The following ADAM12 variants were observed in gnomAD, a reference collection of about 807,000 sequenced individuals.
The protein encoded by ADAM12 is ADAM metallopeptidase domain 12.
A neutral mutation model predicts 106.4 loss-of-function variants in ADAM12; 70 were observed. That is an observed-to-expected ratio of 0.66 (90% confidence interval 0.54 to 0.80). ADAM12 has a LOEUF of 0.80. ADAM12 is among the 30% of genes least tolerant of loss of function. The probability of loss-of-function intolerance (pLI) is 0.00; values close to 1 mark genes in which losing one functional copy is unlikely to be tolerated. For synonymous variants in ADAM12, 420 were observed against 433.5 expected (o/e 0.97, Z 0.39); for missense variants, 1,010 against 1,171.9 (o/e 0.86, Z 2.02).
chr10:126,171,900 C>T (rs977566325), intron 3 of ADAM12, among the ~76,000 whole-genome samples: 1 of 152,194 alleles, frequency 6.6e-6, no homozygotes, highest in Non-Finnish European at 1.5e-5. Context: ...ATCATGTGTG[C>T]TGCTAAACTC....
At chr10:126,139,714 G>A (rs2133687421) in intron 4 of ADAM12, among the ~76,000 whole-genome samples, 1 of 152,258 alleles carries the variant, frequency 6.6e-6, no homozygotes, top group East Asian at 1.9e-4. Flanking sequence ...ATGCAGGAGT[G>A]TAGCTCTCAC....
At chr10:126,272,620 C>A (rs1056836231) in intron 3 of ADAM12, among the ~76,000 whole-genome samples, 1 of 152,194 alleles carries the variant, frequency 6.6e-6, no homozygotes, top group Non-Finnish European at 1.5e-5. Context: ...GTTCCATCGA[C>A]ATTTGTTTAG....
chr10:126,034,413 T>C (rs1052299470), intron 21 of ADAM12, among the ~76,000 whole-genome samples: 1 of 151,842 alleles, frequency 6.6e-6, no homozygotes, highest in Non-Finnish European at 1.5e-5. Flanking sequence ...AGTGTAATCA[T>C]ACAAAAAAAA....
chr10:126,088,547 C>A (rs1326847282), intron 11 of ADAM12, among the ~76,000 whole-genome samples: 8 of 145,002 alleles, frequency 5.5e-5, no homozygotes, highest in Non-Finnish European at 9.0e-5. Context: ...TTAAATATAC[C>A]AAAAAAAAAA....
intron 12 of ADAM12, 65 bp downstream of exon 12, chr10:126,071,412 C>T (rs1954986657): frequency 6.4e-7 from 1 of 1,568,132 alleles, no homozygotes; most frequent in Non-Finnish European, 8.7e-7. Context: ...CCTCCAAGTT[C>T]TCTCTTCTTT....
chr10:126,262,772 TAA>T (rs1959026856), intron 3 of ADAM12, among the ~76,000 whole-genome samples: 1 of 152,140 alleles, frequency 6.6e-6, no homozygotes, highest in African/African-American at 2.4e-5. Context: ...CCATTATATA[TAA>T]GAGTATCATG....
intron 3 of ADAM12, among the ~76,000 whole-genome samples, chr10:126,172,007 G>A (rs1957128710): frequency 6.6e-6 from 1 of 151,840 alleles, no homozygotes. Context: ...TTGAGGAGGA[G>A]GGAGGCCCAA....
At chr10:126,050,642 C>T (rs966330593) in intron 14 of ADAM12, among the ~76,000 whole-genome samples, 6 of 152,150 alleles carry the variant, frequency 3.9e-5, no homozygotes, top group African/African-American at 9.7e-5. Context: ...AAGGTGACAA[C>T]GGATTTATTT....
chr10:126,074,536 A>G (rs568861644), intron 11 of ADAM12, among the ~76,000 whole-genome samples: 2 of 152,288 alleles, frequency 1.3e-5, no homozygotes, highest in South Asian at 4.2e-4. Flanking sequence ...ATTGGCAAAG[A>G]TCATCATTGT....
chr10:126,028,215 G>T lies in ADAM12; in HGVS notation c.2529+7931C>A, dbSNP rs1306742193. On this transcript the variant is annotated intron_variant, in intron 21 of 22. Transcript: ENST00000448723. ...AAATGGAAAAGCATTCCATGCTTAT[G>T]GATAGAAAGAAGCAATATGAAAATG... is the stretch of plus-strand genomic sequence containing the variant. Among the ~76,000 whole-genome samples, 3 of 152,272 alleles carry T rather than the reference G, an allele frequency of 2.0e-5. No individual in the cohort carries two copies. The East Asian group carries it at 5.8e-4, about 29-fold the overall frequency.
intron 2 of ADAM12, among the ~76,000 whole-genome samples, chr10:126,326,017 G>A (rs1342589139): frequency 6.6e-6 from 1 of 152,162 alleles, no homozygotes; most frequent in South Asian, 2.1e-4. Context: ...CAGTGGCAGT[G>A]ATGGCTTGAT....
chr10:126,179,466 CAA>C (rs1428601800), intron 3 of ADAM12, among the ~76,000 whole-genome samples: 1 of 152,108 alleles, frequency 6.6e-6, no homozygotes, highest in African/African-American at 2.4e-5. Flanking sequence ...TCTGATAAAA[CAA>C]AGTCAATTCT....
At chr10:126,309,332 AG>A (rs1277602120) in intron 2 of ADAM12, among the ~76,000 whole-genome samples, 1 of 152,234 alleles carries the variant, frequency 6.6e-6, no homozygotes, top group Non-Finnish European at 1.5e-5. Flanking sequence ...CTCTGAGGGC[AG>A]AGACAACAGA....
At chr10:126,352,747 G>C (rs568673972) in intron 1 of ADAM12, among the ~76,000 whole-genome samples, 29 of 152,222 alleles carry the variant, frequency 1.9e-4, no homozygotes, top group Non-Finnish European at 4.3e-4. Context: ...CAGGGGAAGG[G>C]CTGGGTGGGA....
intron 3 of ADAM12, among the ~76,000 whole-genome samples, chr10:126,236,522 T>C (rs1014761900): frequency 6.6e-6 from 1 of 152,156 alleles, no homozygotes; most frequent in African/African-American, 2.4e-5. Flanking sequence ...CAGAGGTGGA[T>C]ACTGCATGGG....
chr10:126,316,761 G>A (rs933625211), intron 2 of ADAM12, among the ~76,000 whole-genome samples: 2 of 146,706 alleles, frequency 1.4e-5, no homozygotes, highest in African/African-American at 2.5e-5. Flanking sequence ...TCCAGCATTG[G>A]TGACAGAGTG....
intron 21 of ADAM12, among the ~76,000 whole-genome samples, chr10:126,029,796 T>C (rs1953942631): frequency 6.6e-6 from 1 of 152,214 alleles, no homozygotes; most frequent in Admixed American, 6.5e-5. Flanking sequence ...CTATGAAGTA[T>C]TTCCTATGAA....
intron 5 of ADAM12, among the ~76,000 whole-genome samples, chr10:126,127,276 G>C (rs530706006): frequency 6.6e-6 from 1 of 152,346 alleles, no homozygotes; most frequent in Admixed American, 6.5e-5. Flanking sequence ...GACAGGTGCT[G>C]ATGGAGCGAG....
intron 5 of ADAM12, among the ~76,000 whole-genome samples, chr10:126,125,978 C>T (rs1295299753): frequency 6.6e-6 from 1 of 151,942 alleles, no homozygotes; most frequent in Non-Finnish European, 1.5e-5. Flanking sequence ...GGGATTCTTC[C>T]GTAGACTCTG....
Sources: gnomAD v4.1 joint callset for allele counts (sites outside exome capture counted in the v4.1 genomes callset) on GRCh38, gnomAD v4.1.1 for gene constraint, MANE v1.5 for transcripts, NCBI Gene and HGNC (gene_info 2026-07-23, HGNC 2026-07-21) for gene names.